ZFR2: variants seen among roughly 807,000 people sequenced by gnomAD.
ZFR2 encodes zinc finger RNA binding protein 2.
In ZFR2, 104 loss-of-function variants were observed where a neutral mutation model predicts 105.7. The observed-to-expected ratio is 0.98, with a 90% CI of 0.84 to 1.16. The LOEUF is 1.16. Ranked by LOEUF, ZFR2 falls within the 50% of genes most tolerant of loss-of-function variation. The pLI is 0.00. For missense variants in ZFR2, 1,425 were observed against 1,355.5 expected (o/e 1.05, Z -0.80); for synonymous variants, 634 against 597.7 (o/e 1.06, Z -0.89).
chr19:3,865,189 T>C (rs971309168), intron 1 of ZFR2, among the ~76,000 whole-genome samples: 1 of 152,176 alleles, frequency 6.6e-6, no homozygotes, highest in Non-Finnish European at 1.5e-5. Context: ...AAAATAAAGA[T>C]AATCAACATT....
At chr19:3,860,224 G>T (rs771873403) in intron 1 of ZFR2, among the ~76,000 whole-genome samples, 40 of 145,072 alleles carry the variant, frequency 2.8e-4, no homozygotes, top group African/African-American at 7.8e-4. Context: ...TTTCAGAGAT[G>T]GGGGGGGTCT....
At chr19:3,835,973 CAG>C (rs2038073790) in intron 1 of ZFR2, among the ~76,000 whole-genome samples, 1 of 151,888 alleles carries the variant, frequency 6.6e-6, no homozygotes, top group South Asian at 2.1e-4. Context: ...AAACAAAAAA[CAG>C]TACAGCTGTC....
chr19:3,868,633 A>C (rs1599263861), intron 1 of ZFR2, among the ~76,000 whole-genome samples: 1 of 59,654 alleles, frequency 1.7e-5, no homozygotes. Context: ...TGGCGCCCCC[A>C]TCAGGGGCTG....
chr19:3,861,799 G>A (rs1295019958), intron 1 of ZFR2, among the ~76,000 whole-genome samples: 9 of 152,108 alleles, frequency 5.9e-5, no homozygotes, highest in African/African-American at 1.9e-4. Context: ...GGTGGTGCAT[G>A]CCTGTAGTCC....
intron 1 of ZFR2, among the ~76,000 whole-genome samples, chr19:3,840,020 T>C (rs1335323900): frequency 6.6e-6 from 1 of 152,134 alleles, no homozygotes; most frequent in Admixed American, 6.5e-5. Context: ...ATGTTCTTAT[T>C]GTGTATGTCA....
chr19:3,812,656 C>T (rs549071413), intron 14 of ZFR2, among the ~76,000 whole-genome samples: 8 of 152,222 alleles, frequency 5.3e-5, no homozygotes, highest in East Asian at 3.9e-4. Flanking sequence ...CTTCAGCTAG[C>T]GCCAAAAGCC....
intron 11 of ZFR2, 31 bp from the exon 12 acceptor site, chr19:3,819,266 G>T (rs1308108678): frequency 6.8e-7 from 1 of 1,474,978 alleles, no homozygotes; most frequent in Admixed American, 2.5e-5. Context: ...TGTCAAGGGT[G>T]GTCTGTGGGG....
At chr19:3,863,417 G>A (rs1275720143) in intron 1 of ZFR2, among the ~76,000 whole-genome samples, 1 of 152,130 alleles carries the variant, frequency 6.6e-6, no homozygotes, top group Non-Finnish European at 1.5e-5. Context: ...CCACTCCGGG[G>A]AGGGGCTCTT....
In ZFR2 at chr19:3,834,736, T is replaced by C. The variant is rs1185270187; in HGVS notation, c.264+37A>G. ...TCTCACCCATGCAAGGCGACCCACGTTTCCCGGCAACGCTGGTCAAAGAAA... is the reference window on the plus strand; with the variant it reads ...TCTCACCCATGCAAGGCGACCCACGCTTCCCGGCAACGCTGGTCAAAGAAA... On this transcript the variant is annotated intron_variant, in intron 2 of 18. Coordinates refer to ENST00000262961, the MANE Select transcript of ZFR2 (RefSeq NM_015174.2). The surrounding 1 kb of genome is among the most constrained non-coding windows in gnomAD (Gnocchi z 5.3). 6.2e-7 allele frequency: 1 copy of C among 1,602,224 alleles called. No homozygotes were observed. Among genetic ancestry groups the C allele is most frequent in the Non-Finnish European group, 8.5e-7 (1 of 1,175,722 alleles).
intron 1 of ZFR2, among the ~76,000 whole-genome samples, chr19:3,841,747 G>T (rs2145171830): frequency 6.6e-6 from 1 of 152,022 alleles, no homozygotes; most frequent in Middle Eastern, 3.4e-3. Flanking sequence ...TGAGGCTGCA[G>T]TGAGCCATGA....
At position 3,827,517 on chromosome 19, in the gene ZFR2, C is replaced by A. The variant is rs1487536366; in HGVS notation, c.989G>T (p.Gly330Val). 1.9e-6 allele frequency: 3 copies of A among 1,558,498 alleles called. No homozygotes were observed. Among genetic ancestry groups the A allele is most frequent in the Admixed American group, 3.8e-5 (2 of 52,192 alleles). Residue 330 changes from glycine (G) to valine (V), a missense_variant, in exon 6 of 19, where the codon GGG (glycine) becomes GTG (valine). Gly to Val is a moderately radical substitution (Grantham distance 109). Transcript: ENST00000262961. ...GATGTGGGCCGCGTAGGCGTCCGCCCCGGTGCAGGACACGGCGCACAGGTC... is the reference window on the plus strand; with the variant it reads ...GATGTGGGCCGCGTAGGCGTCCGCCACGGTGCAGGACACGGCGCACAGGTC... ...HCDLCAVSCT[G>V]ADAYAAHIRG...
At chr19:3,861,450 C>A (rs1018228887) in intron 1 of ZFR2, among the ~76,000 whole-genome samples, 2 of 146,810 alleles carry the variant, frequency 1.4e-5, no homozygotes, top group African/African-American at 5.1e-5. Flanking sequence ...GATGGCAAAA[C>A]CCCGTCTCTA....
intron 1 of ZFR2, among the ~76,000 whole-genome samples, chr19:3,864,605 A>T (rs2038409632): frequency 6.6e-6 from 1 of 152,144 alleles, no homozygotes; most frequent in Admixed American, 6.6e-5. Context: ...CTTCCAACAC[A>T]CCACTTTGAG....
intron 1 of ZFR2, among the ~76,000 whole-genome samples, chr19:3,841,915 T>G (rs1014024782): frequency 2.0e-5 from 3 of 151,986 alleles, no homozygotes; most frequent in Non-Finnish European, 4.4e-5. Context: ...GCCTCCCAAG[T>G]AGCTAGGATT....
At position 3,816,686 on chromosome 19, in the gene ZFR2, G is replaced by A; in HGVS notation, c.2091C>T (p.Pro697=). 6.2e-7 allele frequency: 1 copy of A among 1,608,742 alleles called. No homozygotes were observed. The highest frequency in any genetic ancestry group is 8.5e-7 in the Non-Finnish European group (1 of 1,177,124). ...GCCCTGACCTTACCTGGAGCTGCCG[G>A]GGCAGCTGCTGGGCGATCCTCCGCA... is the stretch of plus-strand genomic sequence containing the variant. ...SLLRRIAQQL[P]RQLQMVTEDE... The change falls in exon 13 of 19, where the codon CCC becomes CCT. Residue 697 remains proline, a synonymous_variant. Transcript: ENST00000262961.
rs564079578 is a variant in ZFR2, at chr19:3,867,541, C to G, written c.53+1424G>C. On this transcript the variant is annotated intron_variant, in intron 1 of 18. Coordinates refer to ENST00000262961, the MANE Select transcript of ZFR2 (RefSeq NM_015174.2). ...CCAGTGTGTCCCCATCCCCTGCCAT[C>G]TCTCCTCCAGGATCCTTTCTCTCCC... is the stretch of plus-strand genomic sequence containing the variant. Among the ~76,000 whole-genome samples, 14 of 152,086 alleles carry G rather than the reference C, an allele frequency of 9.2e-5. No individual in the cohort carries two copies. The South Asian group carries it at 2.9e-3, about 32-fold the overall frequency.
intron 1 of ZFR2, among the ~76,000 whole-genome samples, chr19:3,854,286 C>G (rs184827467): frequency 6.6e-5 from 10 of 151,022 alleles, no homozygotes; most frequent in African/African-American, 2.4e-4. Context: ...CCAGCTACTC[C>G]GGAGGCTGAG....
intron 11 of ZFR2, among the ~76,000 whole-genome samples, chr19:3,819,846 C>G: frequency 1.6e-5 from 1 of 60,728 alleles, no homozygotes; most frequent in East Asian, 6.2e-4. Flanking sequence ...GAGTGAGACT[C>G]TGTCTCAAAA....
At chr19:3,828,776 T>A (rs1381440398) in intron 5 of ZFR2, among the ~76,000 whole-genome samples, 3 of 152,082 alleles carry the variant, frequency 2.0e-5, no homozygotes, top group Non-Finnish European at 2.9e-5. Context: ...ATGCCAAGAA[T>A]AAACATTCTG....
Sources: allele counts gnomAD v4.1 joint callset (sites outside exome capture counted in the v4.1 genomes callset), GRCh38; gene constraint gnomAD v4.1.1; non-coding constraint Gnocchi (gnomAD v3.1); transcripts MANE v1.5; gene names NCBI Gene and HGNC (gene_info 2026-07-23, HGNC 2026-07-21).